Variants in RBMS2 observed in about 807,000 individuals in gnomAD.
RBMS2 encodes RNA binding motif single stranded interacting protein 2.
RBMS2 carries 38 observed loss-of-function variants against 58.4 expected under a neutral mutation model. The ratio of observed to expected loss-of-function variants is 0.65; its 90% CI spans 0.50 to 0.85. The LOEUF (loss-of-function observed/expected upper bound fraction) is 0.85, where lower values mean the gene tolerates loss of function less well. RBMS2 is among the 40% of genes least tolerant of loss of function. The probability of loss-of-function intolerance (pLI) is 0.00; values close to 1 mark genes in which losing one functional copy is unlikely to be tolerated. For missense variants in RBMS2, 367 were observed against 503.7 expected (o/e 0.73, Z 2.60); for synonymous variants, 151 against 180.7 (o/e 0.84, Z 1.32).
At chr12:56,539,555 G>T in intron 1 of RBMS2, 1 of 340,732 alleles carries the variant, frequency 2.9e-6, no homozygotes, top group South Asian at 2.3e-5. Flanking sequence ...TATATAATAT[G>T]CTATGATAAT....
intron 1 of RBMS2, among the ~76,000 whole-genome samples, chr12:56,560,076 G>T (rs936279078): frequency 6.6e-6 from 1 of 151,274 alleles, no homozygotes; most frequent in Admixed American, 6.6e-5. Flanking sequence ...TGTATTTTTA[G>T]TAGAGACGGG....
intron 1 of RBMS2, among the ~76,000 whole-genome samples, chr12:56,538,189 T>A (rs2694912): frequency 6.6e-6 from 1 of 151,622 alleles, no homozygotes; most frequent in African/African-American, 2.4e-5. Flanking sequence ...TGCACCACCA[T>A]GCCCAGCTAA....
chr12:56,587,715 C>A, intron 11 of RBMS2, 51 bp downstream of exon 11: 1 of 1,561,550 alleles, frequency 6.4e-7, no homozygotes, highest in Non-Finnish European at 8.7e-7. Context: ...CAAGGCATAC[C>A]TGTGTAATAC....
chr12:56,581,410 C>T lies in RBMS2; in HGVS notation c.634C>T (p.Pro212Ser). 1 of 1,614,164 alleles carries T rather than the reference C, an allele frequency of 6.2e-7. No homozygotes were observed. The highest frequency in any genetic ancestry group is 8.5e-7 in the Non-Finnish European group (1 of 1,180,028). Residue 212 changes from proline to serine, a missense_variant, in exon 7 of 14, where the codon CCC (proline) becomes TCC (serine). This residue lies in a region of RBMS2 where 220 missense variants were observed against 261.1 expected (regional missense o/e 0.84). Coordinates refer to ENST00000262031, the MANE Select transcript of RBMS2 (RefSeq NM_002898.4). ...TPPGVPAPSD[P>S]LLCKFADGGP... ...TTCTCTCTCGGCAGCCCCATCCGAT[C>T]CCTTGCTTTGCAAATTTGCTGATGG...
chr12:56,552,735 G>A (rs373436058), intron 1 of RBMS2, among the ~76,000 whole-genome samples: 36 of 151,838 alleles, frequency 2.4e-4, no homozygotes, highest in African/African-American at 4.3e-4. Flanking sequence ...CCAGCTACTC[G>A]GGAGGCTGAG....
chr12:56,579,641 A>G (rs979044714), intron 5 of RBMS2, among the ~76,000 whole-genome samples: 1 of 152,018 alleles, frequency 6.6e-6, no homozygotes, highest in African/African-American at 2.4e-5. Context: ...CTCAAAAAAA[A>G]AAAAAAAATC....
At chr12:56,537,909 T>A (rs561596583) in intron 1 of RBMS2, among the ~76,000 whole-genome samples, 1 of 152,114 alleles carries the variant, frequency 6.6e-6, no homozygotes, top group African/African-American at 2.4e-5. Context: ...TCCCATGGTT[T>A]TGATTTCTGT....
At chr12:56,551,854 G>A (rs1433841297) in intron 1 of RBMS2, among the ~76,000 whole-genome samples, 2 of 152,182 alleles carry the variant, frequency 1.3e-5, no homozygotes, top group African/African-American at 4.8e-5. Context: ...TTGGGAAGCC[G>A]AGGTGGGCAG....
In RBMS2 at chr12:56,569,941, A is replaced by G; in HGVS notation, c.335A>G (p.Lys112Arg). 6.2e-7 allele frequency: 1 copy of G among 1,614,082 alleles called. No homozygotes were observed. The change falls in exon 4 of 14, where the codon AAA becomes AGA. Residue 112 changes from lysine (K) to arginine (R), a missense_variant. Physicochemically the swap from Lys to Arg is conservative, Grantham distance 26 (BLOSUM62 2). This residue lies in a region of RBMS2 where 93 missense variants were observed against 132.2 expected (regional missense o/e 0.70). Transcript: ENST00000262031. ...VDFDSPSAAQ[K>R]AVTALKASGV... is the part of the protein sequence containing the mutation. ...TTTGACAGCCCTTCAGCAGCACAGA[A>G]AGCTGTAACAGCACTGAAGGCCAGC...
intron 1 of RBMS2, among the ~76,000 whole-genome samples, chr12:56,522,475 G>GT (rs1871886001): frequency 6.6e-6 from 1 of 151,946 alleles, no homozygotes; most frequent in Admixed American, 6.6e-5. Flanking sequence ...TTGATTAACT[G>GT]TTTCCATTCT....
intron 9 of RBMS2, among the ~76,000 whole-genome samples, chr12:56,583,271 C>T (rs1884226010): frequency 6.6e-6 from 1 of 152,106 alleles, no homozygotes; most frequent in Non-Finnish European, 1.5e-5. Flanking sequence ...GATTGCTTTC[C>T]ACAAAGGCTG....
At chr12:56,551,194 G>A (rs970140431) in intron 1 of RBMS2, among the ~76,000 whole-genome samples, 14 of 151,968 alleles carry the variant, frequency 9.2e-5, no homozygotes, top group Admixed American at 5.3e-4. Flanking sequence ...TCCTTTGAAT[G>A]GCATGCGGTT....
intron 5 of RBMS2, among the ~76,000 whole-genome samples, chr12:56,578,335 G>T (rs7961247): frequency 7.9e-5 from 12 of 151,186 alleles, no homozygotes; most frequent in Admixed American, 2.6e-4. Context: ...CACCCAGTTG[G>T]CCAGGCTGGT....
At chr12:56,531,810 C>A (rs1204904222) in intron 1 of RBMS2, among the ~76,000 whole-genome samples, 2 of 144,890 alleles carry the variant, frequency 1.4e-5, no homozygotes, top group East Asian at 4.0e-4. Flanking sequence ...GTGCGAGATT[C>A]CATTTCAAAA....
chr12:56,544,016 G>A (rs1205307608), intron 1 of RBMS2, among the ~76,000 whole-genome samples: 3 of 151,904 alleles, frequency 2.0e-5, no homozygotes, highest in African/African-American at 4.8e-5. Flanking sequence ...GGTGGCTCAC[G>A]CCTCTAATCC....
rs558469488 is a variant in RBMS2 at position 56,589,958 on chromosome 12, A to G, written c.*825A>G. 3.9e-5 allele frequency: 6 copies of G among 152,372 alleles called. No homozygotes were observed. The East Asian group carries it at 9.7e-4, about 25-fold the overall frequency. The allele number at this position is 152,372 out of a possible 1,614,324, so 9.4% of individuals were successfully genotyped here. On this transcript the variant is annotated 3_prime_UTR_variant, in exon 14 of 14. Coordinates refer to ENST00000262031, the MANE Select transcript of RBMS2 (RefSeq NM_002898.4). ...ACCCTGCCACACCCTGGGAGAAAAA[A>G]CTAGACTTTGGCTTCAGAAAGCACA...
chr12:56,521,848 C>A lies in RBMS2; in HGVS notation c.-176C>A. 4.0e-6 allele frequency: 2 copies of A among 496,234 alleles called. No individual in the cohort carries two copies. Among genetic ancestry groups the A allele is most frequent in the Non-Finnish European group, 7.0e-6 (2 of 284,000 alleles). The allele number at this position is 496,234 out of a possible 1,614,324, so 30.7% of individuals were successfully genotyped here. ...CCGAGCTCATTCTCTGCCCGCAGCCCCCCTTCATCTCTCTCCTCCTGCTCC... is the reference window on the plus strand; with the variant it reads ...CCGAGCTCATTCTCTGCCCGCAGCCACCCTTCATCTCTCTCCTCCTGCTCC... On this transcript the variant is annotated 5_prime_UTR_variant, in exon 1 of 14. Transcript: ENST00000262031.
At chr12:56,546,679 G>GA (rs1877310223) in intron 1 of RBMS2, among the ~76,000 whole-genome samples, 1 of 151,688 alleles carries the variant, frequency 6.6e-6, no homozygotes, top group Admixed American at 6.6e-5. Context: ...ATGTTGGCCA[G>GA]GCTGGTCTTA....
intron 1 of RBMS2, among the ~76,000 whole-genome samples, chr12:56,553,245 T>A (rs1878603075): frequency 6.6e-6 from 1 of 151,402 alleles, no homozygotes; most frequent in Non-Finnish European, 1.5e-5. Flanking sequence ...AGAGTATCAC[T>A]CTATTAAGCC....
Sources: allele counts gnomAD v4.1 joint callset (sites outside exome capture counted in the v4.1 genomes callset), GRCh38; gene constraint gnomAD v4.1.1; regional missense constraint gnomAD v4.1.1; transcripts MANE v1.5; gene names NCBI Gene and HGNC (gene_info 2026-07-23, HGNC 2026-07-21).